Variants in SPOP observed in about 807,000 individuals in gnomAD.
SPOP encodes the protein speckle-type POZ protein.
SPOP carries 11 observed loss-of-function variants against 45.6 expected under a neutral mutation model. The observed-to-expected ratio is 0.24, with a 90% CI of 0.15 to 0.40. The LOEUF is 0.40. Ranked by LOEUF, SPOP falls within the 10% of genes least tolerant of loss-of-function variation. SPOP has a pLI of 1.00. For synonymous variants in SPOP, 166 were observed against 166.3 expected (o/e 1.00, Z 0.01); for missense variants, 152 against 465.6 (o/e 0.33, Z 6.20).
At chr17:49,654,542 T>C (rs958188418) in intron 1 of SPOP, among the ~76,000 whole-genome samples, 4 of 152,206 alleles carry the variant, frequency 2.6e-5, no homozygotes, top group Non-Finnish European at 5.9e-5. Flanking sequence ...AGTAGCACTT[T>C]GTGAGGCCGA....
intron 1 of SPOP, among the ~76,000 whole-genome samples, chr17:49,667,122 G>A (rs1294900579): frequency 6.9e-6 from 1 of 145,814 alleles, no homozygotes; most frequent in African/African-American, 2.5e-5. Flanking sequence ...AGGTTGCAAT[G>A]AGCCGAGATC....
chr17:49,668,926 G>A (rs1329479418), intron 1 of SPOP, among the ~76,000 whole-genome samples: 3 of 151,618 alleles, frequency 2.0e-5, no homozygotes, highest in South Asian at 2.1e-4. Flanking sequence ...ACAGGCGCCC[G>A]CCACCATGCC....
At chr17:49,622,473 CTT>C (rs1364218384) in intron 2 of SPOP, 4 of 543,970 alleles carry the variant, frequency 7.4e-6, no homozygotes, top group Non-Finnish European at 1.3e-5. Flanking sequence ...TCAGAACACA[CTT>C]TCATCAAGGG....
rs1339073687 is a variant in SPOP at position 49,619,403 on chromosome 17, A to G, written c.201-18T>C. On this transcript the variant is annotated intron_variant, in intron 3 of 9. Transcript: ENST00000504102. This position sits in a 1 kb window ranked among gnomAD's most constrained non-coding sequence, Gnocchi z 4.9. ...GCAAACACCTGTCCAAAACAGATAG[A>G]AAAAAAAAATGTCAAAAGCATCCAT... 1 of 1,490,720 alleles carries G rather than the reference A, an allele frequency of 6.7e-7. No individual in the cohort carries two copies. The highest frequency in any genetic ancestry group is 9.1e-7 in the Non-Finnish European group (1 of 1,104,930). The allele number at this position is 1,490,720 out of a possible 1,614,324, so 92.3% of individuals were successfully genotyped here. A position where few individuals can be genotyped will look rare whatever the true frequency, so the allele number is the denominator to read the frequency against.
At chr17:49,610,321 C>A (rs757486753) in intron 6 of SPOP, among the ~76,000 whole-genome samples, 1 of 151,874 alleles carries the variant, frequency 6.6e-6, no homozygotes, top group Non-Finnish European at 1.5e-5. Flanking sequence ...AGGGTTCAAG[C>A]GATTCTCCTG....
chr17:49,634,618 G>C (rs1304124164), intron 1 of SPOP, among the ~76,000 whole-genome samples: 1 of 152,142 alleles, frequency 6.6e-6, no homozygotes, highest in African/African-American at 2.4e-5. Context: ...CAATCTGCAA[G>C]GAATTCAAAA....
chr17:49,629,367 A>G (rs1055267424), intron 1 of SPOP, among the ~76,000 whole-genome samples: 1 of 152,198 alleles, frequency 6.6e-6, no homozygotes, highest in African/African-American at 2.4e-5. Context: ...AGTATATCAG[A>G]TTTGCAATGT....
Position 49,655,732 on chromosome 17 carries a change from A to C in SPOP, c.-67+22201T>G, listed in dbSNP as rs564297973. Among the ~76,000 whole-genome samples the C allele has an allele frequency of 2.6e-5, 4 of 152,338 alleles. No individual in the cohort carries two copies. In the South Asian group the frequency reaches 6.2e-4, roughly 24 times the overall value. ...GGATAATGTATATGAGGATAATTTA[A>C]AACTACTATATAATAATTTCTCTCG... On this transcript the variant is annotated intron_variant, in intron 1 of 9. Transcript: ENST00000504102.
intron 1 of SPOP, among the ~76,000 whole-genome samples, chr17:49,663,608 G>C (rs1597980487): frequency 6.6e-6 from 1 of 152,132 alleles, no homozygotes; most frequent in African/African-American, 2.4e-5. Flanking sequence ...AAACTGGGAA[G>C]TATGCATAAA....
At chr17:49,675,678 C>G (rs1484968128) in intron 1 of SPOP, among the ~76,000 whole-genome samples, 3 of 152,120 alleles carry the variant, frequency 2.0e-5, no homozygotes, top group Non-Finnish European at 4.4e-5. Context: ...TGCACGCCAT[C>G]AAAATTTTAA....
chr17:49,672,925 C>T (rs1043436582), intron 1 of SPOP, among the ~76,000 whole-genome samples: 6 of 150,168 alleles, frequency 4.0e-5, no homozygotes, highest in Admixed American at 6.6e-5. Flanking sequence ...CCAGCCTAGG[C>T]GACAGAGTGA....
chr17:49,630,591 C>G (rs932232928), intron 1 of SPOP, among the ~76,000 whole-genome samples: 1 of 106,624 alleles, frequency 9.4e-6, no homozygotes, highest in Non-Finnish European at 1.9e-5. Flanking sequence ...ATTAAAGATG[C>G]CTGTTTTTTT....
chr17:49,637,359 C>CT (rs1383938157), intron 1 of SPOP, among the ~76,000 whole-genome samples: 11 of 151,912 alleles, frequency 7.2e-5, no homozygotes, highest in Admixed American at 2.6e-4. Flanking sequence ...GCTGGTTCTC[C>CT]TTTTTTTTGA....
At chr17:49,647,032 G>GT (rs1169360044) in intron 1 of SPOP, among the ~76,000 whole-genome samples, 1 of 151,960 alleles carries the variant, frequency 6.6e-6, no homozygotes, top group African/African-American at 2.4e-5. Context: ...ACTCATGCCT[G>GT]TAATTCCAGC....
chr17:49,673,342 A>T (rs1323364770), intron 1 of SPOP, among the ~76,000 whole-genome samples: 1 of 151,784 alleles, frequency 6.6e-6, no homozygotes, highest in African/African-American at 2.4e-5. Flanking sequence ...CATCTCTACT[A>T]AAAAATACAA....
At chr17:49,611,207 A>T (rs865971725) in intron 6 of SPOP, 73 bp downstream of exon 6, 1 of 1,506,832 alleles carries the variant, frequency 6.6e-7, no homozygotes, top group Middle Eastern at 1.8e-4. Context: ...AGTTGTTCAA[A>T]AGGTGATTAT....
rs2071967109 is a variant in SPOP, at chr17:49,611,273, T to C, written c.658+7A>G. 3.1e-6 allele frequency: 5 copies of C among 1,612,382 alleles called. No individual in the cohort carries two copies. Among genetic ancestry groups the C allele is most frequent in the African/African-American group, 1.3e-5 (1 of 74,910 alleles). ...AACTATAAAATTCCTCATGAATAAA[T>C]ACCAACCTGCTAAGATAGCCTTGTG... On this transcript the variant is annotated splice_region_variant and intron_variant, in intron 6 of 9. Coordinates refer to ENST00000504102, the MANE Select transcript of SPOP (RefSeq NM_001007228.2).
At chr17:49,666,115 A>C (rs375826150) in intron 1 of SPOP, among the ~76,000 whole-genome samples, 18 of 152,300 alleles carry the variant, frequency 1.2e-4, no homozygotes, top group South Asian at 8.3e-4. Flanking sequence ...GATAGGCAAA[A>C]AGACCAATGG....
At chr17:49,668,653 T>C (rs777407211) in intron 1 of SPOP, among the ~76,000 whole-genome samples, 12 of 152,126 alleles carry the variant, frequency 7.9e-5, no homozygotes, top group Non-Finnish European at 1.6e-4. Flanking sequence ...TTTATAAAGC[T>C]GGGTGATAAG....
Sources: gnomAD v4.1 joint callset for allele counts (sites outside exome capture counted in the v4.1 genomes callset) on GRCh38, gnomAD v4.1.1 for gene constraint, Gnocchi (gnomAD v3.1) non-coding constraint, MANE v1.5 for transcripts, NCBI Gene and HGNC (gene_info 2026-07-23, HGNC 2026-07-21) for gene names.